Variants in ULK4 observed in about 807,000 individuals in gnomAD.
The protein encoded by ULK4 is unc-51 like kinase 4.
In ULK4, 133 loss-of-function variants were observed where a neutral mutation model predicts 160.6. That is an observed-to-expected ratio of 0.83 (90% CI 0.72 to 0.96). The LOEUF (loss-of-function observed/expected upper bound fraction) is 0.96. Among genes scored for constraint, ULK4 ranks in the 40% least tolerant of loss-of-function variants. The probability of loss-of-function intolerance (pLI) is 0.00; values close to 1 mark genes in which losing one functional copy is unlikely to be tolerated. For missense variants in ULK4, 1,580 were observed against 1,499.5 expected, an observed-to-expected ratio of 1.05 and a Z score of -0.89; for synonymous variants, 534 against 539.8, an observed-to-expected ratio of 0.99 and a Z score of 0.15.
intron 34 of ULK4, among the ~76,000 whole-genome samples, chr3:41,437,978 G>C (rs2083073575): frequency 6.6e-6 from 1 of 152,016 alleles, no homozygotes; most frequent in Admixed American, 6.5e-5. Flanking sequence ...CTGGGGATGG[G>C]GAACTGGTGG....
rs575286060 is a variant in ULK4, at chr3:41,263,458, G to C, written c.3679-13884C>G. The stretch of plus-strand genomic sequence containing the variant: ...AAGTAGAGCCATGTCAAGTCAACTT[G>C]GCTAAAAAAGCCCACAGCTTCCTTC... On this transcript the variant is annotated intron_variant, in intron 35 of 36. Transcript: ENST00000301831. Among the ~76,000 whole-genome samples, 17 of 152,142 alleles carry C rather than the reference G, an allele frequency of 1.1e-4. No homozygotes were observed. The East Asian group carries it at 3.1e-3, about 28-fold the overall frequency.
At chr3:41,656,757 T>G (rs898299834) in intron 30 of ULK4, among the ~76,000 whole-genome samples, 2 of 152,148 alleles carry the variant, frequency 1.3e-5, no homozygotes, top group African/African-American at 4.8e-5. Context: ...AATCTTGTCA[T>G]AAAACAAATA....
chr3:41,465,555 T>C (rs2083810053), intron 32 of ULK4, among the ~76,000 whole-genome samples: 1 of 152,204 alleles, frequency 6.6e-6, no homozygotes, highest in African/African-American at 2.4e-5. Flanking sequence ...AAGTCTCCTT[T>C]AATTTCTAAT....
chr3:41,373,187 G>C (rs2081406683), intron 35 of ULK4, among the ~76,000 whole-genome samples: 4 of 152,154 alleles, frequency 2.6e-5, no homozygotes, highest in South Asian at 2.1e-4. Flanking sequence ...CACAATAATA[G>C]TGTGGGAGTG....
intron 31 of ULK4, among the ~76,000 whole-genome samples, chr3:41,579,721 T>C (rs528259092): frequency 6.6e-6 from 1 of 152,152 alleles, no homozygotes; most frequent in South Asian, 2.1e-4. Flanking sequence ...CTCGATCTCC[T>C]GACCTCGTGA....
chr3:41,659,745 T>C (rs1323421013), intron 30 of ULK4, among the ~76,000 whole-genome samples: 1 of 152,046 alleles, frequency 6.6e-6, no homozygotes, highest in East Asian at 1.9e-4. Flanking sequence ...CTATAAGATA[T>C]ACATTCATAT....
rs55916889 is a variant in ULK4 at position 41,431,079 on chromosome 3, G to A, written c.3492+24418C>T. On this transcript the variant is annotated intron_variant, in intron 34 of 36. Transcript: ENST00000301831. ...TAATAAAGACAACAGGCCGGGCGCG[G>A]TGGCGCACGCTGGTAATCCTAGCAC... is the stretch of plus-strand genomic sequence containing the variant. Among the ~76,000 whole-genome samples, 395 of 152,318 alleles carry A rather than the reference G, an allele frequency of 2.6e-3. 1 individual carries two copies. The highest frequency in any genetic ancestry group is 9.1e-3 in the African/African-American group (378 of 41,576).
chr3:41,917,296 G>A (rs1309865949), intron 7 of ULK4, among the ~76,000 whole-genome samples: 1 of 151,990 alleles, frequency 6.6e-6, no homozygotes, highest in Non-Finnish European at 1.5e-5. Flanking sequence ...TCGAGGCCAG[G>A]AGTTCAAGAC....
chr3:41,558,636 G>A (rs1035256991), intron 32 of ULK4, among the ~76,000 whole-genome samples: 3 of 151,786 alleles, frequency 2.0e-5, no homozygotes, highest in Non-Finnish European at 4.4e-5. Context: ...CCTGGGAGGT[G>A]GAGATTGCAG....
intron 19 of ULK4, among the ~76,000 whole-genome samples, chr3:41,817,128 C>T (rs534241053): frequency 6.6e-6 from 1 of 152,176 alleles, no homozygotes; most frequent in East Asian, 1.9e-4. Flanking sequence ...TTCAACAACA[C>T]CCTACACAGT....
chr3:41,878,414 A>G (rs1261355904), intron 17 of ULK4, among the ~76,000 whole-genome samples: 1 of 152,156 alleles, frequency 6.6e-6, no homozygotes, highest in Non-Finnish European at 1.5e-5. Flanking sequence ...TATAAAATCA[A>G]TCTCACTAGA....
chr3:41,670,452 T>C (rs753249777), intron 29 of ULK4, among the ~76,000 whole-genome samples: 6 of 152,164 alleles, frequency 3.9e-5, no homozygotes, highest in Non-Finnish European at 8.8e-5. Flanking sequence ...TGTGATTCTC[T>C]GGTGTTTTGC....
rs200925869 is a variant in ULK4, at chr3:41,398,792, G to GT, written c.3493-529dup. On this transcript the variant is annotated intron_variant, in intron 34 of 36. Coordinates refer to ENST00000301831, the MANE Select transcript of ULK4 (RefSeq NM_017886.4). ...GGTCCTATATTCTTCTTTTTAAAAAGTTTTTTTTATTATTTTATTTTTATT... is the reference window on the plus strand; with the variant it reads ...GGTCCTATATTCTTCTTTTTAAAAAGTTTTTTTTTATTATTTTATTTTTATT... Among the ~76,000 whole-genome samples the GT allele has an allele frequency of 2.4e-3, 366 of 151,682 alleles. 2 individuals carry two copies. Among genetic ancestry groups the GT allele is most frequent in the East Asian group, 0.015 (79 of 5,180 alleles).
intron 32 of ULK4, among the ~76,000 whole-genome samples, chr3:41,483,600 A>T (rs1292953830): frequency 1.3e-5 from 2 of 152,220 alleles, no homozygotes; most frequent in African/African-American, 4.8e-5. Flanking sequence ...AGTTTAGAAG[A>T]CTCAATCCTC....
At position 41,519,892 on chromosome 3, in the gene ULK4, T is replaced by G. The variant is rs535920931; in HGVS notation, c.3226+46133A>C. Among the ~76,000 whole-genome samples the G allele has an allele frequency of 7.9e-5, 12 of 152,312 alleles. No homozygotes were observed. The Middle Eastern group carries it at 0.01, about 130-fold the overall frequency. On this transcript the variant is annotated intron_variant, in intron 32 of 36. Transcript: ENST00000301831. ...AAATAGCTGGCTGTCCACAAAATAT[T>G]CATGCACTTCTTTCCAAACTGTGGA... is the stretch of plus-strand genomic sequence containing the variant.
intron 32 of ULK4, among the ~76,000 whole-genome samples, chr3:41,499,699 CA>C (rs1262024950): frequency 1.3e-5 from 2 of 152,052 alleles, no homozygotes; most frequent in Admixed American, 6.5e-5. Context: ...TTACGTTGAA[CA>C]AAATGGAATA....
At chr3:41,521,196 C>G (rs2085919502) in intron 32 of ULK4, among the ~76,000 whole-genome samples, 1 of 152,162 alleles carries the variant, frequency 6.6e-6, no homozygotes, top group Non-Finnish European at 1.5e-5. Flanking sequence ...AGTGCTGACA[C>G]ACTAAAATTT....
At chr3:41,646,413 G>T (rs1475611691) in intron 30 of ULK4, among the ~76,000 whole-genome samples, 4 of 152,146 alleles carry the variant, frequency 2.6e-5, no homozygotes, top group Non-Finnish European at 5.9e-5. Context: ...GTCAGCATTT[G>T]CTTGTCTGTA....
At chr3:41,262,305 C>T (rs1400080993) in intron 35 of ULK4, among the ~76,000 whole-genome samples, 1 of 152,218 alleles carries the variant, frequency 6.6e-6, no homozygotes, top group Non-Finnish European at 1.5e-5. Flanking sequence ...AAGGAAATAG[C>T]TTGGCCTGTA....
Sources: gnomAD v4.1 joint callset for allele counts (sites outside exome capture counted in the v4.1 genomes callset) on GRCh38, gnomAD v4.1.1 for gene constraint, MANE v1.5 for transcripts, NCBI Gene and HGNC (gene_info 2026-07-23, HGNC 2026-07-21) for gene names.